Variants in ABCG4 observed in about 807,000 individuals in gnomAD.
ABCG4 encodes ATP-binding cassette sub-family G member 4.
A neutral mutation model predicts 64.6 loss-of-function variants in ABCG4; 35 were observed. That is an observed-to-expected ratio of 0.54 (90% confidence interval 0.41 to 0.72). ABCG4 has a LOEUF of 0.72. Ranked by LOEUF, ABCG4 falls within the 30% of genes least tolerant of loss-of-function variation. The pLI is 0.00. For missense variants in ABCG4, 610 were observed against 846.3 expected (o/e 0.72, Z 3.46); for synonymous variants, 326 against 348.2 (o/e 0.94, Z 0.71).
At chr11:119,151,177 C>G (rs1357671900) in intron 2 of ABCG4, among the ~76,000 whole-genome samples, 2 of 152,256 alleles carry the variant, frequency 1.3e-5, no homozygotes, top group African/African-American at 4.8e-5. Flanking sequence ...GGTCCTGAGA[C>G]CAGCTCTGGG....
Position 119,154,545 on chromosome 11 carries a change from G to A in ABCG4, c.510G>A (p.Leu170=), listed in dbSNP as rs773637609. Residue 170 remains leucine, a synonymous_variant, in exon 5 of 15, where the codon CTG becomes CTA. Transcript: ENST00000619701. The surrounding 1 kb of genome is among the most constrained non-coding windows in gnomAD (Gnocchi z 7.0). ...EAMMVSANLK[L]SEKQEVKKEL... ...CCCAGGTCTCTGCTAACCTGAAGCT[G>A]AGTGAGAAGCAGGAGGTGAAGAAGG... 6.2e-6 allele frequency: 10 copies of A among 1,613,800 alleles called. No individual in the cohort carries two copies. The highest frequency in any genetic ancestry group is 2.2e-5 in the East Asian group (1 of 44,886).
At chr11:119,152,734 C>T (rs1948209097) in intron 2 of ABCG4, 2 of 152,228 alleles carry the variant, frequency 1.3e-5, no homozygotes, top group Admixed American at 1.3e-4. Flanking sequence ...AGAGCTTTTC[C>T]TCCCAAAGCC....
In ABCG4 at chr11:119,154,687, G is replaced by A. The variant is rs1267961621; in HGVS notation, c.541-83G>A. On this transcript the variant is annotated intron_variant, in intron 5 of 14. Transcript: ENST00000619701. The surrounding 1 kb of genome is among the most constrained non-coding windows in gnomAD (Gnocchi z 7.0). ...GCCTAGGCCGAGACAATGCACTTAA[G>A]GGAGATGCTTTTTGAAGCTGGGGTG... 2 of 1,588,540 alleles carry A rather than the reference G, an allele frequency of 1.3e-6. No individual in the cohort carries two copies. Among genetic ancestry groups the A allele is most frequent in the African/African-American group, 1.3e-5 (1 of 74,340 alleles).
In ABCG4 at chr11:119,156,222, C is replaced by T; in HGVS notation, c.687-107C>T. On this transcript the variant is annotated intron_variant, in intron 6 of 14. Transcript: ENST00000619701. The surrounding 1 kb of genome is among the most constrained non-coding windows in gnomAD (Gnocchi z 5.5). ...GATACAGATGCGGCCAGAGTGCCCT[C>T]TTCCTGCCAGCTTCATCCCCTTCAC... 6.7e-7 allele frequency: 1 copy of T among 1,500,808 alleles called. No homozygotes were observed. The highest frequency in any genetic ancestry group is 9.1e-7 in the Non-Finnish European group (1 of 1,095,046). The allele number at this position is 1,500,808 out of a possible 1,614,324, so 93.0% of individuals were successfully genotyped here.
In ABCG4 at chr11:119,161,571, A is replaced by C. The variant is rs560629750; in HGVS notation, c.*465A>C. On this transcript the variant is annotated 3_prime_UTR_variant, in exon 15 of 15. Coordinates refer to ENST00000619701, the MANE Select transcript of ABCG4 (RefSeq NM_022169.5). The stretch of plus-strand genomic sequence containing the variant: ...CCAGGGCTGGGCCCTGGTGGAGTCC[A>C]CTGGAAGTCCCATTATGGATGTTGA... The C allele has an allele frequency of 1.3e-5, 2 of 159,750 alleles. No homozygotes were observed. The highest frequency in any genetic ancestry group is 3.3e-3 in the Middle Eastern group (1 of 302). 9.9% of individuals were successfully genotyped at this position (159,750 alleles called of 1,614,324 possible).
chr11:119,150,351 C>A lies in ABCG4; in HGVS notation c.238+148C>A. 8.8e-7 allele frequency: 1 copy of A among 1,139,184 alleles called. No individual in the cohort carries two copies. Among genetic ancestry groups the A allele is most frequent in the Non-Finnish European group, 1.2e-6 (1 of 810,226 alleles). 70.6% of individuals were successfully genotyped at this position (1,139,184 alleles called of 1,614,324 possible). ...AATCTGGGCCCCAGCCCGTTGCTCA[C>A]TGTGCACTCTTGGGGTGTCAGGATC... On this transcript the variant is annotated intron_variant, in intron 2 of 14. Coordinates refer to ENST00000619701, the MANE Select transcript of ABCG4 (RefSeq NM_022169.5). This position sits in a 1 kb window ranked among gnomAD's most constrained non-coding sequence, Gnocchi z 4.3.
rs1238607528 is a variant in ABCG4, at chr11:119,150,807, TTCTC to T, written c.238+610_238+613del. On this transcript the variant is annotated intron_variant, in intron 2 of 14. Coordinates refer to ENST00000619701, the MANE Select transcript of ABCG4 (RefSeq NM_022169.5). This position sits in a 1 kb window ranked among gnomAD's most constrained non-coding sequence, Gnocchi z 4.3. ...TCCCAGCTCTCCATGCATTGTTCCT[TTCTC>T]TCTCTTCCCTGTACAGCAGTCCCAT... Among the ~76,000 whole-genome samples, 4 of 152,188 alleles carry T rather than the reference TTCTC, an allele frequency of 2.6e-5. No individual in the cohort carries two copies. Among genetic ancestry groups the T allele is most frequent in the African/African-American group, 9.7e-5 (4 of 41,434 alleles).
chr11:119,160,106 G>A lies in ABCG4; in HGVS notation c.1438-121G>A. On this transcript the variant is annotated intron_variant, in intron 12 of 14. Transcript: ENST00000619701. This position sits in a 1 kb window ranked among gnomAD's most constrained non-coding sequence, Gnocchi z 4.6. ...TGGGGGACAGCTTGAACAAGAATGTGGAGGCAGGATGGACACCCTGGGAAT... is the reference window on the plus strand; with the variant it reads ...TGGGGGACAGCTTGAACAAGAATGTAGAGGCAGGATGGACACCCTGGGAAT... 9.3e-7 allele frequency: 1 copy of A among 1,074,488 alleles called. No individual in the cohort carries two copies. The highest frequency in any genetic ancestry group is 1.6e-5 in the South Asian group (1 of 63,826). 66.6% of individuals were successfully genotyped at this position (1,074,488 alleles called of 1,614,324 possible). A position where few individuals can be genotyped will look rare whatever the true frequency, so the allele number is the denominator to read the frequency against.
chr11:119,151,494 A>C (rs1948192972), intron 2 of ABCG4, among the ~76,000 whole-genome samples: 1 of 152,210 alleles, frequency 6.6e-6, no homozygotes, highest in Non-Finnish European at 1.5e-5. Flanking sequence ...GAAAGCAATT[A>C]AGGGTAGGCA....
In ABCG4 at chr11:119,154,863, G is replaced by A. The variant is rs575247461; in HGVS notation, c.634G>A (p.Ala212Thr). ...CGGGCAGAGGAAGCGTCTGGCCATCGCCCTGGAGCTGGTCAACAACCCGCC... is the reference window on the plus strand; with the variant it reads ...CGGGCAGAGGAAGCGTCTGGCCATCACCCTGGAGCTGGTCAACAACCCGCC... ...SGGQRKRLAI[A>T]LELVNNPPVM... Residue 212 changes from alanine (A) to threonine (T), a missense_variant, in exon 6 of 15, where the codon GCC becomes ACC. By Grantham distance (58) the Ala-to-Thr change is moderately conservative. Transcript: ENST00000619701. The surrounding 1 kb of genome is among the most constrained non-coding windows in gnomAD (Gnocchi z 7.0). 9.3e-6 allele frequency: 15 copies of A among 1,613,938 alleles called. No homozygotes were observed. Among genetic ancestry groups the A allele is most frequent in the South Asian group, 2.2e-5 (2 of 91,078 alleles).
chr11:119,160,757 C>A lies in ABCG4; in HGVS notation c.1715+101C>A, dbSNP rs1377651162. The A allele has an allele frequency of 1.3e-6, 2 of 1,484,526 alleles. No individual in the cohort carries two copies. Among genetic ancestry groups the A allele is most frequent in the Non-Finnish European group, 1.9e-6 (2 of 1,068,970 alleles). 92.0% of individuals were successfully genotyped at this position (1,484,526 alleles called of 1,614,324 possible). A position where few individuals can be genotyped will look rare whatever the true frequency, so the allele number is the denominator to read the frequency against. On this transcript the variant is annotated intron_variant, in intron 14 of 14. Coordinates refer to ENST00000619701, the MANE Select transcript of ABCG4 (RefSeq NM_022169.5). This position sits in a 1 kb window ranked among gnomAD's most constrained non-coding sequence, Gnocchi z 4.6. The stretch of plus-strand genomic sequence containing the variant: ...CCAAGTCTGCTGCCTGCCCCATTAT[C>A]CTTTGGGCAGGGGCACCCTGGCTGC...
chr11:119,151,589 G>A (rs945972672), intron 2 of ABCG4, among the ~76,000 whole-genome samples: 2 of 152,130 alleles, frequency 1.3e-5, no homozygotes, highest in Non-Finnish European at 2.9e-5. Context: ...CCCTAATTAT[G>A]TATAGCATTT....
Position 119,154,197 on chromosome 11 carries a change from T to G in ABCG4, c.356+54T>G. ...GCAGGACTCAGGAAGAAGTATCCCT[T>G]GGGGAACACAGAAGGTATTCTGAAA... On this transcript the variant is annotated intron_variant, in intron 3 of 14. Transcript: ENST00000619701. The surrounding 1 kb of genome is among the most constrained non-coding windows in gnomAD (Gnocchi z 7.0). 6.2e-7 allele frequency: 1 copy of G among 1,613,216 alleles called. No homozygotes were observed. The highest frequency in any genetic ancestry group is 8.5e-7 in the Non-Finnish European group (1 of 1,179,248).
rs1043505078 is a variant in ABCG4 at position 119,160,943 on chromosome 11, T to G, written c.1778T>G (p.Leu593Ter). 1.2e-6 allele frequency: 2 copies of G among 1,613,948 alleles called. No homozygotes were observed. Among genetic ancestry groups the G allele is most frequent in the Admixed American group, 3.3e-5 (2 of 59,996 alleles). ...YGMERGDLTC[L>*]EERCPFREPQ... ...ATGGAGCGAGGAGACCTGACATGTT[T>G]AGAGGAACGCTGCCCGTTCCGGGAG... Residue 593 changes from leucine (L) to a stop codon, truncating the protein, a stop_gained, in exon 15 of 15, where the codon TTA becomes TGA. Coordinates refer to ENST00000619701, the MANE Select transcript of ABCG4 (RefSeq NM_022169.5). LOFTEE classifies it high-confidence loss of function. The surrounding 1 kb of genome is among the most constrained non-coding windows in gnomAD (Gnocchi z 4.6).
At chr11:119,157,969 A>G (rs1467526297) in intron 9 of ABCG4, among the ~76,000 whole-genome samples, 3 of 152,234 alleles carry the variant, frequency 2.0e-5, no homozygotes, top group Non-Finnish European at 4.4e-5. Context: ...TAACCGATCT[A>G]TTATTAGCCA....
Position 119,155,030 on chromosome 11 carries a change from C to A in ABCG4, c.686+115C>A. On this transcript the variant is annotated intron_variant, in intron 6 of 14. Transcript: ENST00000619701. This position sits in a 1 kb window ranked among gnomAD's most constrained non-coding sequence, Gnocchi z 4.5. The stretch of plus-strand genomic sequence containing the variant: ...GCCTCTGTTCACAGCCTCCTGGGGC[C>A]AAGATAAGGGCTTCTTCCTCATCTC... 1 of 1,412,078 alleles carries A rather than the reference C, an allele frequency of 7.1e-7. No individual in the cohort carries two copies. Among genetic ancestry groups the A allele is most frequent in the Non-Finnish European group, 9.6e-7 (1 of 1,042,956 alleles). 87.5% of individuals were successfully genotyped at this position (1,412,078 alleles called of 1,614,324 possible).
rs371251382 is a variant in ABCG4 at position 119,158,628 on chromosome 11, T to C, written c.1239T>C (p.Ile413=). ...TCATCGGCCTCCTCTACCTGCATAT[T>C]GGCGACGATGCCAGCAAGGTCTTCA... is the stretch of plus-strand genomic sequence containing the variant. ...GVLIGLLYLH[I]GDDASKVFNN... is the part of the protein sequence containing the mutation. Residue 413 remains isoleucine, a synonymous_variant, in exon 11 of 15, where the codon ATT becomes ATC. Coordinates refer to ENST00000619701, the MANE Select transcript of ABCG4 (RefSeq NM_022169.5). The surrounding 1 kb of genome is among the most constrained non-coding windows in gnomAD (Gnocchi z 4.5). The C allele has an allele frequency of 2.5e-6, 4 of 1,614,054 alleles. No homozygotes were observed. Among genetic ancestry groups the C allele is most frequent in the Non-Finnish European group, 3.4e-6 (4 of 1,180,032 alleles).
In ABCG4 at chr11:119,156,328, G is replaced by A. The variant is rs1337175671; in HGVS notation, c.687-1G>A. The A allele has an allele frequency of 1.2e-6, 2 of 1,614,232 alleles. No individual in the cohort carries two copies. The highest frequency in any genetic ancestry group is 1.7e-6 in the Non-Finnish European group (2 of 1,180,046). On this transcript the variant is annotated splice_acceptor_variant, in intron 6 of 14. Transcript: ENST00000619701. LOFTEE classifies it high-confidence loss of function. The surrounding 1 kb of genome is among the most constrained non-coding windows in gnomAD (Gnocchi z 5.5). The stretch of plus-strand genomic sequence containing the variant: ...CCCCCTGGTGGCCTCTCTCTGGACA[G>A]TGGTCTGGATAGCGCCTCTTGTTTC...
At position 119,160,379 on chromosome 11, in the gene ABCG4, C is replaced by T. The variant is rs1431678645; in HGVS notation, c.1590C>T (p.Ser530=). ...LGLLIGAASN[S]LQVATFVGPV... Reference sequence around the variant, plus strand: ...TGCTGATCGGAGCTGCTTCCAACTCCCTACAGGTGGGAGGGCTGGCAGTTG... The same window carrying T: ...TGCTGATCGGAGCTGCTTCCAACTCTCTACAGGTGGGAGGGCTGGCAGTTG... The change falls in exon 13 of 15, where the codon TCC becomes TCT. Residue 530 remains serine (S), a synonymous_variant. Transcript: ENST00000619701. The surrounding 1 kb of genome is among the most constrained non-coding windows in gnomAD (Gnocchi z 4.6). 6.2e-7 allele frequency: 1 copy of T among 1,608,226 alleles called. No individual in the cohort carries two copies. Among genetic ancestry groups the T allele is most frequent in the Non-Finnish European group, 8.5e-7 (1 of 1,175,306 alleles).
Sources: allele counts gnomAD v4.1 joint callset (sites outside exome capture counted in the v4.1 genomes callset), GRCh38; gene constraint gnomAD v4.1.1; non-coding constraint Gnocchi (gnomAD v3.1); transcripts MANE v1.5; gene names NCBI Gene and HGNC (gene_info 2026-07-23, HGNC 2026-07-21).